SPTBN5: variants seen among roughly 807,000 people sequenced by gnomAD.
The protein encoded by SPTBN5 is spectrin beta chain, non-erythrocytic 5.
A neutral mutation model predicts 477.6 loss-of-function variants in SPTBN5; 513 were observed. That is an observed-to-expected ratio of 1.07 (90% confidence interval 1.00 to 1.16). The LOEUF (loss-of-function observed/expected upper bound fraction) is 1.16, where lower values mean the gene tolerates loss of function less well. Ranked by LOEUF, SPTBN5 falls within the 50% of genes most tolerant of loss-of-function variation. SPTBN5 has a pLI of 0.00. For synonymous variants in SPTBN5, 2,169 were observed against 2,011.7 expected, an observed-to-expected ratio of 1.08 and a Z score of -2.09; for missense variants, 5,062 against 4,731.8, an observed-to-expected ratio of 1.07 and a Z score of -2.05.
Position 41,867,091 on chromosome 15 carries a change from C to A in SPTBN5, c.6348G>T (p.Arg2116=), listed in dbSNP as rs1179936721. The A allele has an allele frequency of 7.8e-6, 12 of 1,544,686 alleles. No individual in the cohort carries two copies. The highest frequency in any genetic ancestry group is 1.0e-5 in the Non-Finnish European group (12 of 1,146,880). ...GAAGCCGGTCCCGCACCCGGGGGCG[C>A]CGGAGCGTCTTCAGCCGCTCACGCA... ...AALRERLKTL[R]RPRVRDRLPI... is the part of the protein sequence containing the mutation. Residue 2116 remains arginine (R), a synonymous_variant, in exon 36 of 68, where the codon CGG becomes CGT. Coordinates refer to ENST00000320955, the MANE Select transcript of SPTBN5 (RefSeq NM_016642.4).
intron 2 of SPTBN5, 54 bp downstream of exon 2, chr15:41,893,228 C>G (rs1277865598): frequency 6.2e-7 from 1 of 1,610,272 alleles, no homozygotes; most frequent in Non-Finnish European, 8.5e-7. Context: ...GCCCACTGGC[C>G]AGAGCTGGGG....
At position 41,892,900 on chromosome 15, in the gene SPTBN5, C is replaced by G. The variant is rs1271936539; in HGVS notation, c.378G>C (p.Arg126Ser). Reference protein sequence around the residue: ...ENSSRALAFLRAKVPVPLIGP... With the variant: ...ENSSRALAFLSAKVPVPLIGP... ...CCCTTTCCCTGGGGCCCACCTTGGCCCTGAGGAAGGCCAGAGCTCGGCTGC... is the reference window on the plus strand; with the variant it reads ...CCCTTTCCCTGGGGCCCACCTTGGCGCTGAGGAAGGCCAGAGCTCGGCTGC... The change falls in exon 3 of 68, where the codon AGG becomes AGC. Residue 126 changes from arginine to serine, a missense_variant. Coordinates refer to ENST00000320955, the MANE Select transcript of SPTBN5 (RefSeq NM_016642.4). The G allele has an allele frequency of 5.6e-6, 9 of 1,600,626 alleles. No individual in the cohort carries two copies. Among genetic ancestry groups the G allele is most frequent in the Non-Finnish European group, 6.8e-6 (8 of 1,176,762 alleles).
At chr15:41,853,540 C>T in intron 58 of SPTBN5, 42 bp downstream of exon 58, 3 of 1,547,154 alleles carry the variant, frequency 1.9e-6, no homozygotes, top group Non-Finnish European at 2.6e-6. Flanking sequence ...ACCCCCACCC[C>T]ACAGGGTAGA....
At chr15:41,888,514 G>T (rs1338795045) in intron 4 of SPTBN5, among the ~76,000 whole-genome samples, 1 of 152,260 alleles carries the variant, frequency 6.6e-6, no homozygotes, top group Non-Finnish European at 1.5e-5. Context: ...GGGCTGGAGT[G>T]CAGTGGCACG....
At chr15:41,866,800 A>G (rs2066333245) in intron 36 of SPTBN5, among the ~76,000 whole-genome samples, 159 bp downstream of exon 36, 1 of 152,276 alleles carries the variant, frequency 6.6e-6, no homozygotes, top group East Asian at 1.9e-4. Context: ...TCTCCACACA[A>G]AGGGGCTTAG....
At position 41,848,757 on chromosome 15, in the gene SPTBN5, C is replaced by G. The variant is rs563825532; in HGVS notation, c.11013-129G>C. 1.6e-5 allele frequency: 17 copies of G among 1,095,032 alleles called. No homozygotes were observed. The East Asian group carries it at 4.0e-4, about 26-fold the overall frequency. The allele number at this position is 1,095,032 out of a possible 1,614,324, so 67.8% of individuals were successfully genotyped here. Reference sequence around the variant, plus strand: ...CCTAGAATAAGCGTGGGAGTGGATTCCAGAGCTGACTGACAGGCGCTGCAG... The same window carrying G: ...CCTAGAATAAGCGTGGGAGTGGATTGCAGAGCTGACTGACAGGCGCTGCAG... On this transcript the variant is annotated intron_variant, in intron 67 of 67. Transcript: ENST00000320955.
At chr15:41,862,067 A>C in intron 44 of SPTBN5, 63 bp downstream of exon 44, 1 of 1,391,274 alleles carries the variant, frequency 7.2e-7, no homozygotes, top group East Asian at 2.5e-5. Flanking sequence ...AGGAGATGAG[A>C]GGAAGGGGAG....
chr15:41,865,924 G>T (rs1168770017), intron 38 of SPTBN5, 21 bp from the exon 39 acceptor site: 5 of 1,556,866 alleles, frequency 3.2e-6, no homozygotes, highest in Non-Finnish European at 4.3e-6. Flanking sequence ...CGAGGGTGGG[G>T]AGGGAGCGCT....
intron 17 of SPTBN5, 112 bp from the exon 18 acceptor site, chr15:41,877,468 G>C: frequency 2.1e-6 from 3 of 1,416,736 alleles, no homozygotes; most frequent in Non-Finnish European, 2.8e-6. Flanking sequence ...GACACTGAAT[G>C]TGATAGGCCC....
Position 41,854,840 on chromosome 15 carries a change from C to T in SPTBN5, c.9560G>A (p.Arg3187Lys). 3 of 1,602,076 alleles carry T rather than the reference C, an allele frequency of 1.9e-6. No individual in the cohort carries two copies. The highest frequency in any genetic ancestry group is 2.6e-6 in the Non-Finnish European group (3 of 1,174,780). ...PRRYPHIQAQ[R>K]SRIEAAWERL... Reference sequence around the variant, plus strand: ...CTCCCAAGCAGCCTCAATGCGGCTCCTCTGGGCTTGGATGTGGGGATAGCG... The same window carrying T: ...CTCCCAAGCAGCCTCAATGCGGCTCTTCTGGGCTTGGATGTGGGGATAGCG... The change falls in exon 56 of 68, where the codon AGG (arginine) becomes AAG (lysine). Residue 3187 changes from arginine to lysine, a missense_variant. Arg to Lys is a conservative substitution (Grantham distance 26). Transcript: ENST00000320955.
intron 64 of SPTBN5, 57 bp from the exon 65 acceptor site, chr15:41,851,207 G>A: frequency 6.3e-7 from 1 of 1,579,254 alleles, no homozygotes; most frequent in East Asian, 2.3e-5. Context: ...TCCCTGTGGG[G>A]TCCCTCTGTC....
In SPTBN5 at chr15:41,892,972, C is replaced by T; in HGVS notation, c.306G>A (p.Leu102=). Residue 102 remains leucine, a synonymous_variant, in exon 3 of 68, where the codon CTG becomes CTA. Coordinates refer to ENST00000320955, the MANE Select transcript of SPTBN5 (RefSeq NM_016642.4). ...GCAGGCGGCCCCGGCTCGGGGGTGG[C>T]AGGGCCTCCCCTGAGATGAGCTCCA... ...RLLELISGEA[L]PPPSRGRLRV... 1.2e-6 allele frequency: 2 copies of T among 1,609,274 alleles called. No individual in the cohort carries two copies. Among genetic ancestry groups the T allele is most frequent in the Non-Finnish European group, 8.5e-7 (1 of 1,179,702 alleles).
Position 41,871,862 on chromosome 15 carries a change from C to A in SPTBN5, c.5221G>T (p.Asp1741Tyr). ...TGGCTTGCCAGCCAGCCCTGCAGGT[C>A]CTCAGCCTCCCTCAGGAACTCATGC... ...RLHEFLREAE[D>Y]LQGWLASQKQ... is the part of the protein sequence containing the mutation. The change falls in exon 28 of 68, where the codon GAC becomes TAC. Residue 1741 changes from aspartate to tyrosine, a missense_variant. Transcript: ENST00000320955. The A allele has an allele frequency of 6.3e-7, 1 of 1,585,446 alleles. No individual in the cohort carries two copies. The highest frequency in any genetic ancestry group is 2.3e-5 in the East Asian group (1 of 43,104).
intron 42 of SPTBN5, 36 bp downstream of exon 42, chr15:41,862,754 G>T: frequency 1.3e-6 from 2 of 1,548,448 alleles, no homozygotes; most frequent in Non-Finnish European, 1.7e-6. Context: ...CTACTCAGGA[G>T]ATGCCCTGGG....
chr15:41,867,591 A>G lies in SPTBN5; in HGVS notation c.6259T>C (p.Leu2087=), dbSNP rs372491287. 27 of 1,613,676 alleles carry G rather than the reference A, an allele frequency of 1.7e-5. No individual in the cohort carries two copies. The highest frequency in any genetic ancestry group is 2.3e-5 in the Non-Finnish European group (27 of 1,179,866). ...LGSSVEEVEQ[L]IRKHEVFLKV... ...AGGAAGACCTCGTGCTTGCGAATCA[A>G]CTGCTCTACCTCTTCCACCGAGCTC... Residue 2087 remains leucine (L), a synonymous_variant, in exon 35 of 68, where the codon TTG becomes CTG. Transcript: ENST00000320955.
chr15:41,872,040 C>T (rs2066560066), intron 27 of SPTBN5, 123 bp from the exon 28 acceptor site: 1 of 1,307,146 alleles, frequency 7.7e-7, no homozygotes, highest in African/African-American at 1.5e-5. Context: ...AAGCCTGCGG[C>T]TCACGATTCA....
At chr15:41,863,598 A>G in intron 41 of SPTBN5, 106 bp downstream of exon 41, 6 of 851,554 alleles carry the variant, frequency 7.0e-6, no homozygotes, top group Non-Finnish European at 1.1e-5. Flanking sequence ...CCAGCTGAAC[A>G]GGAGAGGCCA....
chr15:41,883,482 C>G lies in SPTBN5; in HGVS notation c.1525G>C (p.Glu509Gln). Reference sequence around the variant, plus strand: ...CTCTGCCAGCGCACGGTAACTTCCTCCTGCCTAGAGGATATGAGAATAAGG... The same window carrying G: ...CTCTGCCAGCGCACGGTAACTTCCTGCTGCCTAGAGGATATGAGAATAAGG... The part of the protein sequence containing the change: ...HSWADVARRQ[E>Q]EVTVRWQRLL... The change falls in exon 8 of 68, where the codon GAG becomes CAG. Residue 509 changes from glutamate (E) to glutamine (Q), a missense_variant. Glu to Gln is a conservative substitution (Grantham distance 29). Transcript: ENST00000320955. 1 of 1,613,710 alleles carries G rather than the reference C, an allele frequency of 6.2e-7. No individual in the cohort carries two copies. Among genetic ancestry groups the G allele is most frequent in the African/African-American group, 1.3e-5 (1 of 75,044 alleles).
chr15:41,889,973 G>A (rs746810625), intron 4 of SPTBN5, 116 bp downstream of exon 4: 13 of 665,414 alleles, frequency 2.0e-5, no homozygotes, highest in African/African-American at 5.4e-5. Context: ...GCAGTTTCCA[G>A]GATCTCCTAT....
Sources: allele counts gnomAD v4.1 joint callset (sites outside exome capture counted in the v4.1 genomes callset), GRCh38; gene constraint gnomAD v4.1.1; transcripts MANE v1.5; gene names NCBI Gene and HGNC (gene_info 2026-07-23, HGNC 2026-07-21).